YWHAG: variants seen among roughly 807,000 people sequenced by gnomAD.
YWHAG encodes the protein tyrosine 3-monooxygenase/tryptophan 5-monooxygenase activation protein gamma.
Under a neutral mutation model 23.3 loss-of-function variants are expected in YWHAG, and 1 was observed. The ratio of observed to expected loss-of-function variants is 0.04; its 90% CI spans 0.02 to 0.20. YWHAG has a LOEUF of 0.20. YWHAG is among the 10% of genes least tolerant of loss of function. The pLI, the probability that YWHAG is intolerant of heterozygous loss-of-function variation, is 1.00. For synonymous variants in YWHAG, 160 were observed against 144.0 expected (o/e 1.11, Z -0.80); for missense variants, 151 against 338.6 (o/e 0.45, Z 4.35).
rs71085403 is a variant in YWHAG at position 76,327,668 on chromosome 7, G to GCCCCCCCCCCCCCCCCCCCCCCCCCCCCC, written c.*1908_*1909insGGGGGGGGGGGGGGGGGGGGGGGGGGGGG. On this transcript the variant is annotated 3_prime_UTR_variant, in exon 2 of 2. Transcript: ENST00000307630. ...AATTAGGGAAAGCCCCACCTACCCT[G>GCCCCCCCCCCCCCCCCCCCCCCCCCCCCC]CCCCCCCCCCCCTCCCCCCCCAAAT... 10 of 47,086 alleles carry GCCCCCCCCCCCCCCCCCCCCCCCCCCCCC rather than the reference G, an allele frequency of 2.1e-4. No individual in the cohort carries two copies. The highest frequency in any genetic ancestry group is 6.4e-4 in the African/African-American group (5 of 7,866). The allele number at this position is 47,086 out of a possible 1,614,324, so 2.9% of individuals were successfully genotyped here. A position where few individuals can be genotyped will look rare whatever the true frequency, so the allele number is the denominator to read the frequency against.
intron 1 of YWHAG, among the ~76,000 whole-genome samples, chr7:76,341,551 A>T (rs774443200): frequency 5.9e-5 from 9 of 152,164 alleles, no homozygotes; most frequent in Non-Finnish European, 1.2e-4. Context: ...GTAATGGAAT[A>T]TTATTTAGAC....
intron 1 of YWHAG, among the ~76,000 whole-genome samples, chr7:76,356,968 TTG>T (rs1456369868): frequency 7.2e-5 from 11 of 152,246 alleles, no homozygotes; most frequent in African/African-American, 2.7e-4. Flanking sequence ...CTCTGTGTCA[TTG>T]TGTGTGACAT....
At chr7:76,352,879 G>C (rs1023172996) in intron 1 of YWHAG, among the ~76,000 whole-genome samples, 7 of 152,156 alleles carry the variant, frequency 4.6e-5, no homozygotes, top group African/African-American at 1.7e-4. Context: ...TTGAACTCCT[G>C]ACCTCAAGTG....
chr7:76,349,448 C>A (rs1018669153), intron 1 of YWHAG, among the ~76,000 whole-genome samples: 3 of 146,266 alleles, frequency 2.1e-5, no homozygotes, highest in Non-Finnish European at 3.0e-5. Context: ...CACACAGACA[C>A]ACACACACAC....
chr7:76,358,610 C>T (rs1454166654), intron 1 of YWHAG, 112 bp downstream of exon 1: 3 of 1,080,550 alleles, frequency 2.8e-6, no homozygotes, highest in Admixed American at 2.6e-5. Flanking sequence ...GTGAGCGAGA[C>T]GGGGCGGTCA....
intron 1 of YWHAG, among the ~76,000 whole-genome samples, chr7:76,337,603 C>T (rs1470889436): frequency 1.3e-5 from 2 of 148,254 alleles, no homozygotes; most frequent in Non-Finnish European, 3.0e-5. Flanking sequence ...GGTGTGATCT[C>T]GGCTCACTGT....
At chr7:76,355,718 T>C (rs1441004678) in intron 1 of YWHAG, among the ~76,000 whole-genome samples, 2 of 152,218 alleles carry the variant, frequency 1.3e-5, no homozygotes, top group African/African-American at 4.8e-5. Context: ...AAAATTATGA[T>C]AGCCTTTTGC....
chr7:76,335,263 G>A (rs371441065), intron 1 of YWHAG, among the ~76,000 whole-genome samples: 98 of 152,106 alleles, frequency 6.4e-4, no homozygotes, highest in African/African-American at 1.7e-3. Flanking sequence ...TCATCATGTT[G>A]GCCAGGATGG....
chr7:76,331,362 C>G (rs184256983), intron 1 of YWHAG, among the ~76,000 whole-genome samples: 1 of 152,120 alleles, frequency 6.6e-6, no homozygotes. Flanking sequence ...TGTTGATCAA[C>G]TGCAGCATCT....
At chr7:76,357,048 A>G (rs1482565900) in intron 1 of YWHAG, among the ~76,000 whole-genome samples, 1 of 152,108 alleles carries the variant, frequency 6.6e-6, no homozygotes, top group South Asian at 2.1e-4. Flanking sequence ...TATGGAAAAG[A>G]AATATGGAAA....
At chr7:76,341,668 T>A (rs997679663) in intron 1 of YWHAG, among the ~76,000 whole-genome samples, 2 of 152,038 alleles carry the variant, frequency 1.3e-5, no homozygotes, top group African/African-American at 4.8e-5. Flanking sequence ...TCCAGTTACA[T>A]AATATGTCCA....
intron 1 of YWHAG, among the ~76,000 whole-genome samples, chr7:76,338,419 C>A (rs113702756): frequency 6.6e-6 from 1 of 152,058 alleles, no homozygotes; most frequent in Non-Finnish European, 1.5e-5. Flanking sequence ...TGGCTGACAG[C>A]GCCAAGTCCC....
At chr7:76,348,209 AC>A (rs1196452316) in intron 1 of YWHAG, among the ~76,000 whole-genome samples, 1 of 151,558 alleles carries the variant, frequency 6.6e-6, no homozygotes, top group Non-Finnish European at 1.5e-5. Flanking sequence ...TATCCACTTT[AC>A]CCATGACCCC....
Position 76,327,665 on chromosome 7 carries a change from CCTG to C in YWHAG, c.*1909_*1911del, listed in dbSNP as rs1803465307. ...ATAAATTAGGGAAAGCCCCACCTACCCTGCCCCCCCCCCCCTCCCCCCCCAAAT... is the reference window on the plus strand; with the variant it reads ...ATAAATTAGGGAAAGCCCCACCTACCCCCCCCCCCCCCTCCCCCCCCAAAT... On this transcript the variant is annotated 3_prime_UTR_variant, in exon 2 of 2. Coordinates refer to ENST00000307630, the MANE Select transcript of YWHAG (RefSeq NM_012479.4). The C allele has an allele frequency of 1.6e-5, 1 of 61,694 alleles. No individual in the cohort carries two copies. Among genetic ancestry groups the C allele is most frequent in the South Asian group, 7.5e-4 (1 of 1,326 alleles). 3.8% of individuals were successfully genotyped at this position (61,694 alleles called of 1,614,324 possible).
intron 1 of YWHAG, among the ~76,000 whole-genome samples, chr7:76,331,250 C>G (rs1179167761): frequency 2.0e-5 from 3 of 149,448 alleles, no homozygotes; most frequent in Non-Finnish European, 2.9e-5. Flanking sequence ...TACCGAGGAG[C>G]TGGGACTACC....
chr7:76,345,849 T>G (rs1352891343), intron 1 of YWHAG, among the ~76,000 whole-genome samples: 2 of 152,016 alleles, frequency 1.3e-5, no homozygotes, highest in Non-Finnish European at 2.9e-5. Context: ...GCAGCAGAAT[T>G]GCTTGAACCG....
At chr7:76,353,748 T>C (rs891236027) in intron 1 of YWHAG, among the ~76,000 whole-genome samples, 3 of 152,110 alleles carry the variant, frequency 2.0e-5, no homozygotes, top group Non-Finnish European at 4.4e-5. Flanking sequence ...GTAGCCTTTG[T>C]AGAAAGGCAA....
intron 1 of YWHAG, among the ~76,000 whole-genome samples, chr7:76,342,235 A>G (rs1025530736): frequency 2.0e-5 from 3 of 152,230 alleles, no homozygotes; most frequent in African/African-American, 7.2e-5. Flanking sequence ...GGAAATGTAC[A>G]TGTCCTGCCA....
At chr7:76,357,770 G>C (rs1803982599) in intron 1 of YWHAG, among the ~76,000 whole-genome samples, 1 of 152,182 alleles carries the variant, frequency 6.6e-6, no homozygotes. Flanking sequence ...GACAAATGCA[G>C]AATCTTCTGG....
Sources: gnomAD v4.1 joint callset for allele counts (sites outside exome capture counted in the v4.1 genomes callset) on GRCh38, gnomAD v4.1.1 for gene constraint, MANE v1.5 for transcripts, NCBI Gene and HGNC (gene_info 2026-07-23, HGNC 2026-07-21) for gene names.